The following RBM6 variants were observed in gnomAD, a reference collection of about 807,000 sequenced individuals.
RBM6 encodes the protein RNA binding motif protein 6.
In RBM6, 23 loss-of-function variants were observed where a neutral mutation model predicts 140.4. The observed-to-expected ratio is 0.16, with a 90% CI of 0.12 to 0.23. RBM6 has a LOEUF of 0.23. RBM6 is among the 10% of genes least tolerant of loss of function. The pLI is 1.00. For missense variants in RBM6, 1,139 were observed against 1,386.7 expected (o/e 0.82, Z 2.84); for synonymous variants, 439 against 475.6 (o/e 0.92, Z 1.00).
rs2084574237 is a variant in RBM6, at chr3:49,967,835, G to A, written c.410G>A (p.Gly137Asp). 4 of 1,614,120 alleles carry A rather than the reference G, an allele frequency of 2.5e-6. No homozygotes were observed. The highest frequency in any genetic ancestry group is 1.1e-5 in the South Asian group (1 of 91,074). ...DREGPPMDYR[G>D]GDGTSMDYRG... is the part of the protein sequence containing the mutation. ...GAAGGACCACCTATGGACTATAGGG[G>A]TGGAGATGGTACTTCTATGGATTAT... The change falls in exon 3 of 21, where the codon GGT (glycine) becomes GAT (aspartate). Residue 137 changes from glycine to aspartate, a missense_variant. Physicochemically the swap from Gly to Asp is moderately conservative, Grantham distance 94. Coordinates refer to ENST00000266022, the MANE Select transcript of RBM6 (RefSeq NM_005777.3). This position sits in a 1 kb window ranked among gnomAD's most constrained non-coding sequence, Gnocchi z 4.0.
chr3:50,054,324 C>T lies in RBM6; in HGVS notation c.1633-11C>T, dbSNP rs374634724. The stretch of plus-strand genomic sequence containing the variant: ...TGTTTTCAGTCAAATTGATTTCCTT[C>T]TTCCTTACAGTGTAAGGCAAACATT... On this transcript the variant is annotated splice_polypyrimidine_tract_variant and intron_variant, in intron 7 of 20. Coordinates refer to ENST00000266022, the MANE Select transcript of RBM6 (RefSeq NM_005777.3). 2.0e-5 allele frequency: 32 copies of T among 1,599,596 alleles called. No homozygotes were observed. Among genetic ancestry groups the T allele is most frequent in the South Asian group, 1.1e-4 (10 of 90,570 alleles).
intron 6 of RBM6, among the ~76,000 whole-genome samples, chr3:50,040,493 T>TATATATACAC (rs749096137): frequency 9.7e-4 from 83 of 85,836 alleles, no homozygotes; most frequent in Non-Finnish European, 1.6e-3. Context: ...TATATATATA[T>TATATATACAC]ACACACACAC....
intron 6 of RBM6, among the ~76,000 whole-genome samples, chr3:50,044,798 T>G (rs903833667): frequency 1.3e-5 from 2 of 152,204 alleles, no homozygotes; most frequent in Non-Finnish European, 1.5e-5. Flanking sequence ...AGCTGGGGAA[T>G]CAAATCATAG....
intron 6 of RBM6, among the ~76,000 whole-genome samples, chr3:50,012,131 T>A (rs542410356): frequency 1.3e-5 from 2 of 152,044 alleles, no homozygotes; most frequent in Non-Finnish European, 2.9e-5. Flanking sequence ...GGATTACAGG[T>A]GTGAACCATC....
At chr3:50,069,779 TGTA>T (rs1575878724) in intron 18 of RBM6, among the ~76,000 whole-genome samples, 1 of 152,148 alleles carries the variant, frequency 6.6e-6, no homozygotes, top group African/African-American at 2.4e-5. Flanking sequence ...GAAAGTAGAT[TGTA>T]GTATTTTTCC....
chr3:50,000,446 G>GT (rs2086273651), intron 6 of RBM6, among the ~76,000 whole-genome samples: 1 of 145,058 alleles, frequency 6.9e-6, no homozygotes, highest in African/African-American at 2.6e-5. Flanking sequence ...TTGAGACGGA[G>GT]TTTTGCTCTT....
At chr3:50,029,180 A>G (rs2088003509) in intron 6 of RBM6, among the ~76,000 whole-genome samples, 2 of 152,194 alleles carry the variant, frequency 1.3e-5, no homozygotes, top group South Asian at 4.1e-4. Flanking sequence ...AGAATGTAAC[A>G]GTATCAAAAT....
intron 6 of RBM6, among the ~76,000 whole-genome samples, chr3:50,027,587 C>T (rs1056368752): frequency 2.0e-5 from 3 of 152,196 alleles, no homozygotes; most frequent in African/African-American, 7.2e-5. Flanking sequence ...TAAATGGAAT[C>T]ATATACCATA....
At chr3:50,024,164 C>T (rs1457817659) in intron 6 of RBM6, among the ~76,000 whole-genome samples, 9 of 152,092 alleles carry the variant, frequency 5.9e-5, no homozygotes, top group Admixed American at 5.9e-4. Flanking sequence ...TCTAAAATGG[C>T]TCTATTGATG....
chr3:50,067,030 T>C (rs1208091898), intron 17 of RBM6, among the ~76,000 whole-genome samples: 1 of 150,380 alleles, frequency 6.6e-6, no homozygotes, highest in Non-Finnish European at 1.5e-5. Flanking sequence ...CTACTAAAAA[T>C]ACAAAAATTA....
intron 6 of RBM6, among the ~76,000 whole-genome samples, chr3:50,031,278 C>G (rs1171597712): frequency 6.6e-6 from 1 of 152,188 alleles, no homozygotes. Context: ...AAGACACATG[C>G]ACATGTATGT....
intron 7 of RBM6, among the ~76,000 whole-genome samples, chr3:50,052,722 A>G (rs2108892904): frequency 6.6e-6 from 1 of 152,328 alleles, no homozygotes; most frequent in Non-Finnish European, 1.5e-5. Context: ...TGTTTGCTAC[A>G]GTTCTGTTCC....
At chr3:50,036,371 G>C (rs1223008061) in intron 6 of RBM6, among the ~76,000 whole-genome samples, 1 of 152,152 alleles carries the variant, frequency 6.6e-6, no homozygotes, top group Non-Finnish European at 1.5e-5. Flanking sequence ...TTGATGACTA[G>C]CTATGGGCTA....
intron 15 of RBM6, 71 bp from the exon 16 acceptor site, chr3:50,064,960 C>A: frequency 7.5e-7 from 1 of 1,339,714 alleles, no homozygotes; most frequent in Non-Finnish European, 1.1e-6. Context: ...GCGTGAGCCA[C>A]CGCACCCAGC....
intron 3 of RBM6, 22 bp downstream of exon 3, chr3:49,968,770 C>CCTTTTT (rs2084630300): frequency 4.3e-6 from 3 of 700,108 alleles, no homozygotes; most frequent in African/African-American, 5.8e-5. Flanking sequence ...GGGTGGATTG[C>CCTTTTT]TTTTTTTTTT....
chr3:50,011,831 TTTTC>T (rs1169919683), intron 6 of RBM6, among the ~76,000 whole-genome samples: 2 of 148,894 alleles, frequency 1.3e-5, no homozygotes, highest in Non-Finnish European at 3.0e-5. Context: ...AACATTTTTC[TTTTC>T]TTTCTTTTTT....
chr3:49,945,551 G>T (rs146242007), intron 1 of RBM6, among the ~76,000 whole-genome samples: 12 of 152,046 alleles, frequency 7.9e-5, no homozygotes, highest in South Asian at 4.1e-4. Context: ...ACTGTATTTG[G>T]AAATAGGACC....
intron 5 of RBM6, among the ~76,000 whole-genome samples, chr3:49,976,847 A>G (rs2085084469): frequency 6.6e-6 from 1 of 152,208 alleles, no homozygotes; most frequent in South Asian, 2.1e-4. Flanking sequence ...TGGCAGACTG[A>G]AGACATTGAT....
Position 50,048,459 on chromosome 3 carries a change from AG to A in RBM6, c.1632+142del, listed in dbSNP as rs1243108575. 6 of 1,453,230 alleles carry A rather than the reference AG, an allele frequency of 4.1e-6. No individual in the cohort carries two copies. The Admixed American group carries it at 1.6e-4, about 38-fold the overall frequency. The allele number at this position is 1,453,230 out of a possible 1,614,324, so 90.0% of individuals were successfully genotyped here. ...CAGGTCACTTCAGTTGAACAGGAGGAGGTCAAGACAAGGTCATTCATAATTT... is the reference window on the plus strand; with the variant it reads ...CAGGTCACTTCAGTTGAACAGGAGGAGTCAAGACAAGGTCATTCATAATTT... On this transcript the variant is annotated intron_variant, in intron 7 of 20. Transcript: ENST00000266022.
Sources: allele counts gnomAD v4.1 joint callset (sites outside exome capture counted in the v4.1 genomes callset), GRCh38; gene constraint gnomAD v4.1.1; non-coding constraint Gnocchi (gnomAD v3.1); transcripts MANE v1.5; gene names NCBI Gene and HGNC (gene_info 2026-07-23, HGNC 2026-07-21).